The following RIGI variants were observed in gnomAD, a reference collection of about 807,000 sequenced individuals.
RIGI encodes antiviral innate immune response receptor RIG-I.
chr9:32,459,931 G>A, the RIGI span, among the ~76,000 whole-genome samples: 1 of 152,204 alleles, frequency 6.6e-6, no homozygotes, highest in African/African-American at 2.4e-5. Flanking sequence ...ACAACAGGCA[G>A]AAGAGCCCCT....
chr9:32,501,954 T>C, the RIGI span, among the ~76,000 whole-genome samples: 1 of 152,236 alleles, frequency 6.6e-6, no homozygotes, highest in Non-Finnish European at 1.5e-5. Flanking sequence ...TGTGAATCCA[T>C]GACTACTATT....
chr9:32,489,038 A>G, the RIGI span: 7 of 777,236 alleles, frequency 9.0e-6, no homozygotes, highest in Non-Finnish European at 1.3e-5. Flanking sequence ...TTACACTATG[A>G]CTAAAAAATA....
At chr9:32,497,064 T>C in the RIGI span, among the ~76,000 whole-genome samples, 2 of 152,214 alleles carry the variant, frequency 1.3e-5, no homozygotes, top group East Asian at 3.8e-4. Context: ...TTTTGGATAA[T>C]TTTTTCTATT....
the RIGI span, among the ~76,000 whole-genome samples, chr9:32,493,341 T>C: frequency 6.6e-6 from 1 of 152,106 alleles, no homozygotes; most frequent in African/African-American, 2.4e-5. Flanking sequence ...AAAGTACTAT[T>C]CTGGCTGAGC....
At chr9:32,500,762 A>C in the RIGI span, 2 of 1,589,322 alleles carry the variant, frequency 1.3e-6, no homozygotes, top group Admixed American at 3.7e-5. Flanking sequence ...GTCAAGCAGC[A>C]AAGTAATATC....
At chr9:32,482,188 T>C in the RIGI span, among the ~76,000 whole-genome samples, 1 of 87,360 alleles carries the variant, frequency 1.1e-5, no homozygotes, top group Non-Finnish European at 2.3e-5. Flanking sequence ...TGTGTTTGTT[T>C]GTGTGTGTGT....
the RIGI span, among the ~76,000 whole-genome samples, chr9:32,464,198 A>C: frequency 6.6e-6 from 1 of 151,866 alleles, no homozygotes; most frequent in South Asian, 2.1e-4. Context: ...AAGAGCTCCA[A>C]GCTTTTGCCC....
chr9:32,477,542 C>G, the RIGI span, among the ~76,000 whole-genome samples: 1 of 151,922 alleles, frequency 6.6e-6, no homozygotes, highest in African/African-American at 2.4e-5. Flanking sequence ...AATAAGGGAG[C>G]TATGTACATG....
At chr9:32,506,857 A>T in the RIGI span, among the ~76,000 whole-genome samples, 6 of 152,208 alleles carry the variant, frequency 3.9e-5, no homozygotes, top group Non-Finnish European at 5.9e-5. Context: ...TAATTAATTC[A>T]TAAGTGTTCA....
chr9:32,460,950 A>T, the RIGI span, among the ~76,000 whole-genome samples: 1 of 152,166 alleles, frequency 6.6e-6, no homozygotes, highest in Non-Finnish European at 1.5e-5. Context: ...AAGCTGAACA[A>T]GCTCCAAACA....
At chr9:32,465,590 T>G in the RIGI span, among the ~76,000 whole-genome samples, 989 of 152,256 alleles carry the variant, frequency 6.5e-3, 7 homozygotes, top group African/African-American at 0.023. Flanking sequence ...TCCCCACTTT[T>G]TACATGAGGA....
At chr9:32,463,041 T>C in the RIGI span, among the ~76,000 whole-genome samples, 1 of 151,974 alleles carries the variant, frequency 6.6e-6, no homozygotes, top group Non-Finnish European at 1.5e-5. Flanking sequence ...CCTGTAGTCC[T>C]AGCTGCTTGG....
the RIGI span, among the ~76,000 whole-genome samples, chr9:32,515,342 G>A: frequency 9.4e-5 from 3 of 31,948 alleles, no homozygotes; most frequent in African/African-American, 1.6e-4. Flanking sequence ...AAAGCCACAC[G>A]TTTGTTTTTC....
At chr9:32,458,245 G>A in the RIGI span, among the ~76,000 whole-genome samples, 30,690 of 152,026 alleles carry the variant, frequency 0.2, 3,295 homozygotes, top group South Asian at 0.32. Flanking sequence ...TTTTAAGAAA[G>A]AAATATAAGG....
chr9:32,466,482 A>C, the RIGI span: 1 of 1,529,556 alleles, frequency 6.5e-7, no homozygotes, highest in Non-Finnish European at 8.8e-7. Context: ...TTTTGACTTA[A>C]AGCTCTGATA....
At chr9:32,459,580 G>C in the RIGI span, 1 of 1,486,740 alleles carries the variant, frequency 6.7e-7, no homozygotes, top group Non-Finnish European at 9.1e-7. Context: ...AACAGGCACA[G>C]ATACGTACAA....
chr9:32,476,116 T>C, the RIGI span, among the ~76,000 whole-genome samples: 2 of 152,114 alleles, frequency 1.3e-5, no homozygotes, highest in South Asian at 2.1e-4. Context: ...AAAACTCTAA[T>C]GAGGTATCAT....
the RIGI span, among the ~76,000 whole-genome samples, chr9:32,499,322 T>TG: frequency 2.0e-5 from 3 of 148,078 alleles, no homozygotes; most frequent in Non-Finnish European, 3.0e-5. Flanking sequence ...ATTTGTTTTT[T>TG]TTTTTTTTTT....
the RIGI span, among the ~76,000 whole-genome samples, chr9:32,516,945 GT>G: frequency 6.6e-6 from 1 of 152,204 alleles, no homozygotes; most frequent in African/African-American, 2.4e-5. Context: ...GTCGGATTGT[GT>G]TTTGTTGATT....
Sources: gnomAD v4.1 joint callset for allele counts (sites outside exome capture counted in the v4.1 genomes callset) on GRCh38, gnomAD v4.1.1 for gene constraint, MANE v1.5 for transcripts, NCBI Gene and HGNC (gene_info 2026-07-23, HGNC 2026-07-21) for gene names.